ZNF438: variants seen among roughly 807,000 people sequenced by gnomAD.
ZNF438 encodes the protein zinc finger protein 438.
ZNF438 carries 25 observed loss-of-function variants against 38.0 expected under a neutral mutation model. That is an observed-to-expected ratio of 0.66 (90% CI 0.48 to 0.92). The LOEUF is 0.92. ZNF438 is among the 40% of genes least tolerant of loss of function. ZNF438 has a pLI of 0.00. For synonymous variants in ZNF438, 372 were observed against 364.1 expected (o/e 1.02, Z -0.25); for missense variants, 1,007 against 999.6 (o/e 1.01, Z -0.10).
intron 1 of ZNF438, among the ~76,000 whole-genome samples, chr10:30,972,367 G>A (rs1288118489): frequency 1.3e-5 from 2 of 152,150 alleles, no homozygotes; most frequent in African/African-American, 2.4e-5. Flanking sequence ...CTCTGCTTCT[G>A]TGCTCTTGCT....
upstream of ZNF438, among the ~76,000 whole-genome samples, chr10:31,032,201 C>G (rs962973342): frequency 6.6e-6 from 1 of 152,240 alleles, no homozygotes; most frequent in Non-Finnish European, 1.5e-5. Flanking sequence ...AGCTGTCGCC[C>G]TGGGGGCTGG....
intron 1 of ZNF438, among the ~76,000 whole-genome samples, chr10:31,019,805 T>G (rs1448572521): frequency 6.6e-6 from 1 of 152,204 alleles, no homozygotes; most frequent in East Asian, 1.9e-4. Context: ...GTTGCTTACC[T>G]GAAACTCAAC....
At chr10:30,899,698 C>G (rs2041767431) in intron 3 of ZNF438, among the ~76,000 whole-genome samples, 1 of 151,858 alleles carries the variant, frequency 6.6e-6, no homozygotes, top group Non-Finnish European at 1.5e-5. Flanking sequence ...TTTGTTTTGA[C>G]AACTCTTAGA....
intron 3 of ZNF438, among the ~76,000 whole-genome samples, chr10:30,883,490 T>G (rs1296457535): frequency 6.6e-5 from 10 of 152,138 alleles, no homozygotes; most frequent in African/African-American, 2.4e-4. Context: ...AGAATTAGGG[T>G]ATATTTTTAT....
At chr10:30,973,241 A>G (rs1442133945) in intron 1 of ZNF438, among the ~76,000 whole-genome samples, 2 of 152,178 alleles carry the variant, frequency 1.3e-5, no homozygotes, top group East Asian at 3.9e-4. Context: ...GCCCTCATGT[A>G]CCTGGCACTC....
chr10:30,889,103 T>C (rs780295083), intron 3 of ZNF438, among the ~76,000 whole-genome samples: 3 of 152,326 alleles, frequency 2.0e-5, no homozygotes, highest in Non-Finnish European at 4.4e-5. Flanking sequence ...TCCTGACTAA[T>C]AATAGTACTC....
chr10:30,926,188 A>G (rs2044892924), intron 2 of ZNF438, among the ~76,000 whole-genome samples: 1 of 152,230 alleles, frequency 6.6e-6, no homozygotes, highest in African/African-American at 2.4e-5. Context: ...GTCTGATATC[A>G]TATTTTGGGT....
At chr10:30,850,352 G>A (rs1418198586) in exon 5 of ZNF438, 2 of 1,611,740 alleles carry the variant, frequency 1.2e-6, no homozygotes, top group Non-Finnish European at 1.7e-6. Flanking sequence ...TGTTCCAGAA[G>A]GGATGTTTGA....
intron 2 of ZNF438, among the ~76,000 whole-genome samples, chr10:30,928,444 AAACTTTGT>A (rs1474639660): frequency 6.6e-6 from 1 of 152,090 alleles, no homozygotes; most frequent in Non-Finnish European, 1.5e-5. Context: ...CTCTACATTG[AAACTTTGT>A]TATTTATCAT....
At chr10:30,845,036 A>G (rs1490063012) in exon 6 of ZNF438, 2 of 1,614,170 alleles carry the variant, frequency 1.2e-6, no homozygotes, top group Non-Finnish European at 1.7e-6. Context: ...ACAGTTTGGA[A>G]GGGTCCTCAC....
At chr10:30,875,728 A>T (rs1339227356) in intron 4 of ZNF438, among the ~76,000 whole-genome samples, 1 of 152,162 alleles carries the variant, frequency 6.6e-6, no homozygotes, top group East Asian at 1.9e-4. Context: ...CTCTCTTCGG[A>T]TCAACTCCTG....
chr10:30,927,929 A>C (rs2045154051), intron 2 of ZNF438, among the ~76,000 whole-genome samples: 1 of 152,226 alleles, frequency 6.6e-6, no homozygotes, highest in African/African-American at 2.4e-5. Context: ...TAGTTGGTCC[A>C]GTTTTTACAG....
At chr10:30,937,727 T>C (rs1354433066) in intron 2 of ZNF438, among the ~76,000 whole-genome samples, 1 of 152,192 alleles carries the variant, frequency 6.6e-6, no homozygotes, top group Non-Finnish European at 1.5e-5. Context: ...CTAACTACAC[T>C]TAAAAAGGTG....
Position 30,906,863 on chromosome 10 carries a change from G to A in ZNF438, c.-32+2070C>T, listed in dbSNP as rs188129909. On this transcript the variant is annotated intron_variant, in intron 3 of 5. Transcript: ENST00000413025. ...ATTCTATTAATGTGGTGTCAACACTGATTTTTCATATGTCAAACCAATCTT... is the reference window on the plus strand; with the variant it reads ...ATTCTATTAATGTGGTGTCAACACTAATTTTTCATATGTCAAACCAATCTT... 2.4e-3 allele frequency among the ~76,000 whole-genome samples: 368 copies of A among 152,300 alleles called. 4 individuals are homozygous for A. The highest frequency in any genetic ancestry group is 1.1e-3 in the Non-Finnish European group (76 of 68,020).
At position 30,861,497 on chromosome 10, in the gene ZNF438, T is replaced by C. The variant is rs115340510; in HGVS notation, c.38-11130A>G. On this transcript the variant is annotated intron_variant, in intron 4 of 5. Transcript: ENST00000413025. ...GAATTTAAAAGCCAATTACCTAGAA[T>C]ACTAGTGGCAATTAAAAAAAATAAC... Among the ~76,000 whole-genome samples, 900 of 152,214 alleles carry C rather than the reference T, an allele frequency of 5.9e-3. 8 individuals carry two copies. The highest frequency in any genetic ancestry group is 0.021 in the African/African-American group (866 of 41,518).
chr10:31,008,890 A>G lies in ZNF438; in HGVS notation c.-192+22943T>C, dbSNP rs139655142. Among the ~76,000 whole-genome samples the G allele has an allele frequency of 2.5e-3, 375 of 152,330 alleles. 2 individuals are homozygous for G. The highest frequency in any genetic ancestry group is 8.4e-3 in the African/African-American group (351 of 41,570). Reference sequence around the variant, plus strand: ...CATTTTAAATTCCTACCAGCAATGTATGGAGCGTCCAATTACTCCACATCC... The same window carrying G: ...CATTTTAAATTCCTACCAGCAATGTGTGGAGCGTCCAATTACTCCACATCC... On this transcript the variant is annotated intron_variant, in intron 1 of 5. Transcript: ENST00000413025.
chr10:30,894,464 A>G (rs1227426264), intron 3 of ZNF438, among the ~76,000 whole-genome samples: 1 of 152,144 alleles, frequency 6.6e-6, no homozygotes, highest in Non-Finnish European at 1.5e-5. Flanking sequence ...GTGCCCTGAA[A>G]CGAGAATCAT....
chr10:30,893,078 T>A lies in ZNF438; in HGVS notation c.-32+15855A>T, dbSNP rs553968544. ...TGGGTTGACTTAATATTTTTCTAGA[T>A]TTTGCCAAACTGTCCTTCAAAGAAG... On this transcript the variant is annotated intron_variant, in intron 3 of 5. Coordinates refer to ENST00000413025, the Ensembl canonical transcript of ZNF438. 1.2e-4 allele frequency among the ~76,000 whole-genome samples: 18 copies of A among 152,286 alleles called. No individual in the cohort carries two copies. In the South Asian group the frequency reaches 3.7e-3, roughly 32 times the overall value.
chr10:31,028,987 C>T (rs2057112785), intron 1 of ZNF438, among the ~76,000 whole-genome samples: 2 of 152,342 alleles, frequency 1.3e-5, no homozygotes, highest in Admixed American at 1.3e-4. Flanking sequence ...AGCATGCTTT[C>T]TCTTCAGAAA....
Sources: allele counts gnomAD v4.1 joint callset (sites outside exome capture counted in the v4.1 genomes callset), GRCh38; gene constraint gnomAD v4.1.1; transcripts MANE v1.5; gene names NCBI Gene and HGNC (gene_info 2026-07-23, HGNC 2026-07-21).